The following ADARB2 variants were observed in gnomAD, a reference collection of about 807,000 sequenced individuals.
The protein encoded by ADARB2 is inactive double-stranded RNA-specific editase B2.
ADARB2 carries 25 observed loss-of-function variants against 62.2 expected under a neutral mutation model. That is an observed-to-expected ratio of 0.40 (90% CI 0.29 to 0.56). ADARB2 has a LOEUF of 0.56. Among genes scored for constraint, ADARB2 ranks in the 20% least tolerant of loss-of-function variants. The probability of loss-of-function intolerance (pLI) is 0.43; values close to 1 mark genes in which losing one functional copy is unlikely to be tolerated. For missense variants in ADARB2, 1,071 were observed against 1,077.4 expected (o/e 0.99, Z 0.08); for synonymous variants, 572 against 500.8 (o/e 1.14, Z -1.90).
At chr10:1,507,342 C>A (rs1831864969) in intron 1 of ADARB2, among the ~76,000 whole-genome samples, 1 of 152,200 alleles carries the variant, frequency 6.6e-6, no homozygotes, top group Non-Finnish European at 1.5e-5. Flanking sequence ...AGACCAGACC[C>A]ACTGGAGAGG....
At chr10:1,608,209 T>C (rs1160198489) in intron 1 of ADARB2, among the ~76,000 whole-genome samples, 1 of 152,180 alleles carries the variant, frequency 6.6e-6, no homozygotes, top group African/African-American at 2.4e-5. Context: ...CATAAGATAT[T>C]AAAGGAGGAA....
At chr10:1,555,883 C>T (rs928590837) in intron 1 of ADARB2, among the ~76,000 whole-genome samples, 1 of 151,312 alleles carries the variant, frequency 6.6e-6, no homozygotes, top group East Asian at 1.9e-4. Flanking sequence ...TGCAGTGAGC[C>T]GAGATCACAC....
intron 1 of ADARB2, among the ~76,000 whole-genome samples, chr10:1,565,560 C>T (rs1339431994): frequency 1.3e-5 from 2 of 152,052 alleles, no homozygotes; most frequent in African/African-American, 2.4e-5. Flanking sequence ...GCCTTAGAAA[C>T]AATTAGGGAG....
intron 1 of ADARB2, among the ~76,000 whole-genome samples, chr10:1,589,918 C>T (rs557853338): frequency 6.6e-6 from 1 of 152,214 alleles, no homozygotes; most frequent in Non-Finnish European, 1.5e-5. Context: ...GTGATGCACC[C>T]GCCTTGGCCT....
At chr10:1,434,680 C>G (rs1488847750) in intron 1 of ADARB2, among the ~76,000 whole-genome samples, 1 of 152,170 alleles carries the variant, frequency 6.6e-6, no homozygotes, top group Non-Finnish European at 1.5e-5. Context: ...TAAGGGTAAT[C>G]ACCCCGGCAC....
rs1056366667 is a variant in ADARB2 at position 1,179,090 on chromosome 10, A to G, written c.*4103T>C. On this transcript the variant is annotated 3_prime_UTR_variant, in exon 10 of 10. Transcript: ENST00000381312. ...CTTCAGTTGTTTTAAACAATACACT[A>G]TAGACACATCTTGAAATTTATTATC... 1 of 151,938 alleles carries G rather than the reference A, an allele frequency of 6.6e-6. No individual in the cohort carries two copies. Among genetic ancestry groups the G allele is most frequent in the Admixed American group, 6.6e-5 (1 of 15,224 alleles). The allele number at this position is 151,938 out of a possible 1,614,324, so 9.4% of individuals were successfully genotyped here. A position where few individuals can be genotyped will look rare whatever the true frequency, so the allele number is the denominator to read the frequency against.
chr10:1,229,680 GTGTT>G (rs897056995), intron 6 of ADARB2, among the ~76,000 whole-genome samples: 6 of 149,044 alleles, frequency 4.0e-5, no homozygotes, highest in South Asian at 2.1e-4. Flanking sequence ...GCTTATGTAT[GTGTT>G]TGTGTGTGCA....
chr10:1,302,292 C>A, intron 3 of ADARB2, among the ~76,000 whole-genome samples: 1 of 152,168 alleles, frequency 6.6e-6, no homozygotes. Flanking sequence ...AATCCGGTCA[C>A]TCCCACCTGA....
chr10:1,577,215 A>G (rs4880874), intron 1 of ADARB2, among the ~76,000 whole-genome samples: 4,824 of 86,150 alleles, frequency 0.056, 372 homozygotes, highest in Middle Eastern at 0.079. Flanking sequence ...GGTGGGTGGA[A>G]AGAAGCTCAG....
chr10:1,264,706 G>A (rs969833614), intron 4 of ADARB2, among the ~76,000 whole-genome samples: 5 of 152,182 alleles, frequency 3.3e-5, no homozygotes, highest in African/African-American at 1.2e-4. Context: ...TGGCACTTTT[G>A]TATTTTTCCT....
chr10:1,278,652 C>T (rs1831342484), intron 3 of ADARB2, among the ~76,000 whole-genome samples: 1 of 151,748 alleles, frequency 6.6e-6, no homozygotes, highest in African/African-American at 2.4e-5. Context: ...ATGTCCTGCC[C>T]TGCCTCAGTC....
In ADARB2 at chr10:1,556,651, C is replaced by T. The variant is rs146287643; in HGVS notation, c.101-177491G>A. The T allele has an allele frequency of 6.1e-4, 327 of 532,934 alleles. 1 individual carries two copies. In the East Asian group the frequency reaches 0.013, roughly 22 times the overall value. 33.0% of individuals were successfully genotyped at this position (532,934 alleles called of 1,614,324 possible). A position where few individuals can be genotyped will look rare whatever the true frequency, so the allele number is the denominator to read the frequency against. On this transcript the variant is annotated intron_variant, in intron 1 of 9. Coordinates refer to ENST00000381312, the MANE Select transcript of ADARB2 (RefSeq NM_018702.4). ...TGATGTCTGTTCTCACATCACATTG[C>T]GCTCCAAGTACCCCGGCTGCAACCA...
intron 2 of ADARB2, 93 bp downstream of exon 2, chr10:1,378,981 A>T: frequency 9.6e-7 from 1 of 1,042,190 alleles, no homozygotes; most frequent in Non-Finnish European, 1.5e-6. Flanking sequence ...CTCCCAGATG[A>T]CCCCAGGTAT....
chr10:1,671,084 C>T (rs900999432), intron 1 of ADARB2, among the ~76,000 whole-genome samples: 1 of 152,192 alleles, frequency 6.6e-6, no homozygotes, highest in African/African-American at 2.4e-5. Flanking sequence ...CATCTCCGTG[C>T]CGCGCATGCA....
intron 1 of ADARB2, chr10:1,556,885 T>C (rs368007341): frequency 3.9e-6 from 2 of 518,906 alleles, no homozygotes; most frequent in Non-Finnish European, 7.9e-6. Context: ...GGTACCTGAA[T>C]GAGGCCTCTT....
chr10:1,702,819 T>A (rs1434217540), intron 1 of ADARB2, among the ~76,000 whole-genome samples: 2 of 152,218 alleles, frequency 1.3e-5, no homozygotes, highest in Non-Finnish European at 2.9e-5. Context: ...TTTCACCACA[T>A]GCGATGATGA....
chr10:1,557,134 C>T (rs983277229), intron 1 of ADARB2: 41 of 327,914 alleles, frequency 1.3e-4, no homozygotes, highest in African/African-American at 7.8e-4. Flanking sequence ...CAGTCCATGG[C>T]GCCCCCCGTC....
intron 3 of ADARB2, among the ~76,000 whole-genome samples, chr10:1,289,165 C>T (rs1291890219): frequency 2.0e-5 from 3 of 152,218 alleles, no homozygotes; most frequent in Non-Finnish European, 4.4e-5. Flanking sequence ...CCAGACCTTC[C>T]TTTCTACTGA....
chr10:1,440,321 G>A (rs1220282820), intron 1 of ADARB2, among the ~76,000 whole-genome samples: 6 of 152,116 alleles, frequency 3.9e-5, no homozygotes, highest in South Asian at 2.1e-4. Context: ...CTAGGTGACC[G>A]TGGGACAGTC....
Sources: allele counts gnomAD v4.1 joint callset (sites outside exome capture counted in the v4.1 genomes callset), GRCh38; gene constraint gnomAD v4.1.1; transcripts MANE v1.5; gene names NCBI Gene and HGNC (gene_info 2026-07-23, HGNC 2026-07-21).